Variants in EFTUD2 observed in about 807,000 individuals in gnomAD.
EFTUD2 encodes 116 kDa U5 small nuclear ribonucleoprotein component.
EFTUD2 carries 9 observed loss-of-function variants against 114.3 expected under a neutral mutation model. The ratio of observed to expected loss-of-function variants is 0.08; its 90% CI spans 0.05 to 0.14. The LOEUF (loss-of-function observed/expected upper bound fraction) is 0.14, where lower values mean the gene tolerates loss of function less well. Among genes scored for constraint, EFTUD2 ranks in the 10% least tolerant of loss-of-function variants. EFTUD2 has a pLI of 1.00. For synonymous variants in EFTUD2, 449 were observed against 462.3 expected (o/e 0.97, Z 0.37); for missense variants, 765 against 1,241.2 (o/e 0.62, Z 5.76).
At chr17:44,868,413 G>C in intron 11 of EFTUD2, 63 bp from the exon 12 acceptor site, 1 of 1,523,108 alleles carries the variant, frequency 6.6e-7, no homozygotes, top group Non-Finnish European at 9.1e-7. Flanking sequence ...TTCTGTTTCA[G>C]GTGCCACAGG....
At chr17:44,870,212 C>T (rs764326447) in intron 11 of EFTUD2, among the ~76,000 whole-genome samples, 13 of 152,322 alleles carry the variant, frequency 8.5e-5, no homozygotes, top group Admixed American at 3.3e-4. Flanking sequence ...ACAACAATCT[C>T]GCCCAAGGCT....
In EFTUD2 at chr17:44,854,559, A is replaced by G; in HGVS notation, c.2256T>C (p.Ser752=). Residue 752 remains serine, a synonymous_variant, in exon 22 of 28, where the codon TCT becomes TCC. Transcript: ENST00000426333. The surrounding 1 kb of genome is among the most constrained non-coding windows in gnomAD (Gnocchi z 4.3). ...PNILVDDTLP[S]EVDKALLGSV... ...GTTCCCATCAGTTCTGCTGTACCTC[A>G]GAGGGCAGAGTATCATCCACCAGAA... The G allele has an allele frequency of 1.9e-6, 3 of 1,613,892 alleles. No individual in the cohort carries two copies. The highest frequency in any genetic ancestry group is 2.5e-6 in the Non-Finnish European group (3 of 1,179,814).
At chr17:44,855,078 C>G (rs866491557) in intron 20 of EFTUD2, 74 bp from the exon 21 acceptor site, 1 of 1,324,450 alleles carries the variant, frequency 7.6e-7, no homozygotes, top group Non-Finnish European at 1.1e-6. Context: ...AAAAGGGTAA[C>G]AAGACGGACA....
At chr17:44,885,757 G>A (rs952693314) in intron 3 of EFTUD2, among the ~76,000 whole-genome samples, 2 of 152,008 alleles carry the variant, frequency 1.3e-5, no homozygotes, top group African/African-American at 4.8e-5. Context: ...TCAGTCTCCC[G>A]AGTTGCCAGG....
intron 3 of EFTUD2, 45 bp from the exon 4 acceptor site, chr17:44,885,379 CATAAAA>C (rs776484584): frequency 3.8e-6 from 5 of 1,315,676 alleles, no homozygotes. Context: ...GGGCATAAAA[CATAAAA>C]ATACGGAACA....
intron 8 of EFTUD2, 114 bp downstream of exon 8, chr17:44,880,440 A>C: frequency 2.9e-6 from 2 of 690,526 alleles, no homozygotes. Flanking sequence ...GTTTCAATGA[A>C]GGTGAGGGAA....
chr17:44,867,445 G>A (rs1457452080), intron 13 of EFTUD2, among the ~76,000 whole-genome samples: 9 of 151,636 alleles, frequency 5.9e-5, no homozygotes, highest in African/African-American at 2.2e-4. Flanking sequence ...GACTACAGGC[G>A]CCCGCCACCA....
intron 1 of EFTUD2, among the ~76,000 whole-genome samples, chr17:44,897,090 C>A (rs545983949): frequency 6.6e-6 from 1 of 152,080 alleles, no homozygotes; most frequent in South Asian, 2.1e-4. Context: ...GTGGTGGGCG[C>A]CCGTAGTCCC....
chr17:44,871,826 A>C (rs1193224397), intron 11 of EFTUD2, among the ~76,000 whole-genome samples: 7 of 152,182 alleles, frequency 4.6e-5, no homozygotes. Flanking sequence ...CTTCCCTCTA[A>C]GGAACTGCAA....
chr17:44,856,005 T>C (rs548441639), intron 20 of EFTUD2, among the ~76,000 whole-genome samples: 3 of 150,336 alleles, frequency 2.0e-5, no homozygotes, highest in East Asian at 3.9e-4. Flanking sequence ...AGCACACCTG[T>C]AGTCCCAGCT....
chr17:44,866,448 T>C (rs1418203479), intron 13 of EFTUD2, among the ~76,000 whole-genome samples: 1 of 152,156 alleles, frequency 6.6e-6, no homozygotes, highest in Non-Finnish European at 1.5e-5. Flanking sequence ...TCTTGCTCTG[T>C]CACCCAGGCT....
intron 1 of EFTUD2, 67 bp from the exon 2 acceptor site, chr17:44,894,592 C>A: frequency 3.4e-6 from 4 of 1,192,298 alleles, no homozygotes; most frequent in Non-Finnish European, 5.0e-6. Context: ...GGTGGCTCCA[C>A]CTGTCTAGTC....
chr17:44,888,694 C>T (rs1036452104), intron 2 of EFTUD2, among the ~76,000 whole-genome samples: 2 of 152,056 alleles, frequency 1.3e-5, no homozygotes, highest in Non-Finnish European at 2.9e-5. Context: ...AAAAGAGAAG[C>T]AGTAAGGTTT....
rs60766041 is a variant in EFTUD2 at position 44,897,215 on chromosome 17, C to CAAA, written c.-5+2151_-5+2153dup. Among the ~76,000 whole-genome samples the CAAA allele has an allele frequency of 2.5e-3, 165 of 66,208 alleles. 3 individuals carry two copies. Among genetic ancestry groups the CAAA allele is most frequent in the Middle Eastern group, 6.8e-3 (1 of 146 alleles). 43.4% of individuals were successfully genotyped at this position (66,208 alleles called of 152,430 possible). ...TGGGTGACAGAGAGAGACTCCGTCT[C>CAAA]AAAAAAAAAAAAAAAAAAAAAGAAT... On this transcript the variant is annotated intron_variant, in intron 1 of 27. Coordinates refer to ENST00000426333, the MANE Select transcript of EFTUD2 (RefSeq NM_004247.4).
At chr17:44,851,434 C>T (rs778634820) in intron 27 of EFTUD2, 65 bp from the exon 28 acceptor site, 1 of 1,362,320 alleles carries the variant, frequency 7.3e-7, no homozygotes. Flanking sequence ...GGAGACTATC[C>T]AAGACCTGTG....
chr17:44,894,150 T>G (rs1597831684), intron 2 of EFTUD2: 1 of 343,326 alleles, frequency 2.9e-6, no homozygotes. Context: ...CCAAGGCAGG[T>G]GGACTGCTCG....
At chr17:44,888,242 G>A (rs1344325133) in intron 2 of EFTUD2, among the ~76,000 whole-genome samples, 1 of 152,202 alleles carries the variant, frequency 6.6e-6, no homozygotes. Context: ...AGGATCTTCT[G>A]GACCGCTCTA....
rs570989068 is a variant in EFTUD2, at chr17:44,850,721, G to A, written c.*553C>T. On this transcript the variant is annotated 3_prime_UTR_variant, in exon 28 of 28. Transcript: ENST00000426333. ...AGCAGCATGGAGTGGGAGCAAGGGG[G>A]CAATAATGGGGCCTTGGCGCTCATG... The A allele has an allele frequency of 3.7e-6, 1 of 267,648 alleles. No homozygotes were observed. Among genetic ancestry groups the A allele is most frequent in the South Asian group, 7.5e-5 (1 of 13,420 alleles). The allele number at this position is 267,648 out of a possible 1,614,324, so 16.6% of individuals were successfully genotyped here. A position where few individuals can be genotyped will look rare whatever the true frequency, so the allele number is the denominator to read the frequency against.
intron 7 of EFTUD2, among the ~76,000 whole-genome samples, chr17:44,880,951 T>C (rs188987633): frequency 2.6e-5 from 4 of 152,280 alleles, no homozygotes; most frequent in East Asian, 3.9e-4. Context: ...ACAAAAACAA[T>C]AGCTGAGCAC....
Sources: gnomAD v4.1 joint callset for allele counts (sites outside exome capture counted in the v4.1 genomes callset) on GRCh38, gnomAD v4.1.1 for gene constraint, Gnocchi (gnomAD v3.1) non-coding constraint, MANE v1.5 for transcripts, NCBI Gene and HGNC (gene_info 2026-07-23, HGNC 2026-07-21) for gene names.